Variants in SLC6A5 observed in about 807,000 individuals in gnomAD.
The protein encoded by SLC6A5 is sodium- and chloride-dependent glycine transporter 2.
In SLC6A5, 58 loss-of-function variants were observed where a neutral mutation model predicts 90.5. The ratio of observed to expected loss-of-function variants is 0.64; its 90% CI spans 0.52 to 0.80. The LOEUF is 0.80. SLC6A5 is among the 30% of genes least tolerant of loss of function. The pLI is 0.00. For missense variants in SLC6A5, 1,015 were observed against 1,017.6 expected, an observed-to-expected ratio of 1.00 and a Z score of 0.03; for synonymous variants, 427 against 401.4, an observed-to-expected ratio of 1.06 and a Z score of -0.76.
Position 20,617,853 on chromosome 11 carries a change from C to T in SLC6A5, c.1229C>T (p.Ser410Leu), listed in dbSNP as rs778861669. 7.8e-5 allele frequency: 126 copies of T among 1,613,646 alleles called. 1 individual carries two copies. The highest frequency in any genetic ancestry group is 1.1e-5 in the South Asian group (1 of 91,068). The change falls in exon 7 of 16, where the codon TCA (serine) becomes TTA (leucine). Residue 410 changes from serine to leucine, a missense_variant. Physicochemically the swap from Ser to Leu is moderately radical, Grantham distance 145 (BLOSUM62 -2). Around this residue, in one of 3 missense-constraint regions of SLC6A5, gnomAD observed 442 missense variants for 494.3 expected, o/e 0.89. Transcript: ENST00000525748. ...CTGGCTTGGGTCATTGTGTATGCAT[C>T]ATTGGCTAAAGGAATCAAGACTTCA... is the stretch of plus-strand genomic sequence containing the variant. ...LFLAWVIVYA[S>L]LAKGIKTSGK...
At chr11:20,631,041 T>A (rs1441529483) in intron 10 of SLC6A5, among the ~76,000 whole-genome samples, 1 of 152,232 alleles carries the variant, frequency 6.6e-6, no homozygotes, top group South Asian at 2.1e-4. Flanking sequence ...AAGCCCTCTT[T>A]CCTTCTCCTT....
At chr11:20,639,808 G>A (rs1189818527) in intron 13 of SLC6A5, among the ~76,000 whole-genome samples, 1 of 152,174 alleles carries the variant, frequency 6.6e-6, no homozygotes, top group Non-Finnish European at 1.5e-5. Context: ...AGTAGAAGGG[G>A]AATTTGTCTC....
At chr11:20,627,513 A>G (rs1472032325) in intron 8 of SLC6A5, among the ~76,000 whole-genome samples, 2 of 152,228 alleles carry the variant, frequency 1.3e-5, no homozygotes, top group South Asian at 2.1e-4. Flanking sequence ...GTGACACTAT[A>G]AAGTCTGCAG....
intron 3 of SLC6A5, among the ~76,000 whole-genome samples, chr11:20,605,942 C>G (rs1852571885): frequency 6.6e-6 from 1 of 152,206 alleles, no homozygotes; most frequent in South Asian, 2.1e-4. Context: ...TGGAGAGCCC[C>G]GGGCAGGAAA....
At position 20,607,406 on chromosome 11, in the gene SLC6A5, C is replaced by T. The variant is rs184376330; in HGVS notation, c.812-73C>T. The T allele has an allele frequency of 4.3e-4, 672 of 1,558,428 alleles. 4 individuals carry two copies. The African/African-American group carries it at 7.7e-3, about 18-fold the overall frequency. The stretch of plus-strand genomic sequence containing the variant: ...ACAAGAGAGCCTAGACCTAGGTCCC[C>T]ACCCTATGCCCAACTCTAAGAATTC... On this transcript the variant is annotated intron_variant, in intron 4 of 15. Transcript: ENST00000525748.
At position 20,622,815 on chromosome 11, in the gene SLC6A5, A is replaced by G. The variant is rs1052309180; in HGVS notation, c.1261-3893A>G. 1.2e-4 allele frequency among the ~76,000 whole-genome samples: 18 copies of G among 152,124 alleles called. 1 individual carries two copies. Among genetic ancestry groups the G allele is most frequent in the Admixed American group, 1.1e-3 (17 of 15,278 alleles). On this transcript the variant is annotated intron_variant, in intron 7 of 15. Coordinates refer to ENST00000525748, the MANE Select transcript of SLC6A5 (RefSeq NM_004211.5). ...TCCATCCTCATTTCCCACCAGCCCC[A>G]GGTGGTCAGAGGATGGAAAGGATAC... is the stretch of plus-strand genomic sequence containing the variant.
chr11:20,618,090 A>C (rs1343387465), intron 7 of SLC6A5, among the ~76,000 whole-genome samples: 1 of 149,690 alleles, frequency 6.7e-6, no homozygotes, highest in Admixed American at 6.7e-5. Flanking sequence ...TTAAGGGTTA[A>C]ATGAGACACA....
Position 20,604,377 on chromosome 11 carries a change from T to G in SLC6A5, c.632T>G (p.Leu211Arg). 6.2e-7 allele frequency: 1 copy of G among 1,613,984 alleles called. No individual in the cohort carries two copies. The highest frequency in any genetic ancestry group is 8.5e-7 in the Non-Finnish European group (1 of 1,179,936). Reference protein sequence around the residue: ...ILSMVGYAVGLGNVWRFPYLA... With the variant: ...ILSMVGYAVGRGNVWRFPYLA... The stretch of plus-strand genomic sequence containing the variant: ...TCCATGGTGGGGTACGCAGTGGGGC[T>G]GGGCAATGTCTGGAGGTTTCCCTAC... Residue 211 changes from leucine (L) to arginine (R), a missense_variant, in exon 3 of 16, where the codon CTG becomes CGG. Physicochemically the swap from Leu to Arg is moderately radical, Grantham distance 102. Around this residue, in one of 3 missense-constraint regions of SLC6A5, gnomAD observed 567 missense variants for 507.3 expected, o/e 1.12. Coordinates refer to ENST00000525748, the MANE Select transcript of SLC6A5 (RefSeq NM_004211.5).
intron 7 of SLC6A5, among the ~76,000 whole-genome samples, chr11:20,620,379 A>G (rs145357044): frequency 1.4e-3 from 219 of 152,346 alleles, no homozygotes; most frequent in African/African-American, 5.1e-3. Context: ...CCATTTCCTC[A>G]TCTGTAAATA....
chr11:20,625,833 G>A (rs184986496), intron 7 of SLC6A5, among the ~76,000 whole-genome samples: 10 of 152,274 alleles, frequency 6.6e-5, no homozygotes, highest in Middle Eastern at 6.8e-3. Context: ...CTCCATGAAC[G>A]TCTTAGTAGA....
At chr11:20,654,608 A>T (rs1404061665) in intron 15 of SLC6A5, 105 bp from the exon 16 acceptor site, 1 of 1,109,928 alleles carries the variant, frequency 9.0e-7, no homozygotes, top group Non-Finnish European at 1.4e-6. Context: ...TCAAGCAAGG[A>T]CTCTGGTCAA....
At chr11:20,645,740 A>G (rs1184082084) in intron 13 of SLC6A5, among the ~76,000 whole-genome samples, 5 of 146,940 alleles carry the variant, frequency 3.4e-5, no homozygotes, top group African/African-American at 1.3e-4. Context: ...CTTGTTTCAC[A>G]CTATTCTCCT....
chr11:20,644,267 C>T (rs1853367680), intron 13 of SLC6A5, among the ~76,000 whole-genome samples: 1 of 152,180 alleles, frequency 6.6e-6, no homozygotes, highest in Non-Finnish European at 1.5e-5. Flanking sequence ...TGGTAACTAC[C>T]ATTCTGCTGT....
At chr11:20,625,604 A>G (rs1304618949) in intron 7 of SLC6A5, among the ~76,000 whole-genome samples, 2 of 152,180 alleles carry the variant, frequency 1.3e-5, no homozygotes, top group Non-Finnish European at 2.9e-5. Flanking sequence ...CTTTTCCAGC[A>G]TCCAGCAATA....
In SLC6A5 at chr11:20,657,399, C is replaced by A. The variant is rs1052734237; in HGVS notation, c.*2531C>A. On this transcript the variant is annotated 3_prime_UTR_variant, in exon 16 of 16. Transcript: ENST00000525748. ...CTGCTCCCTGAGCAGCTGTTTCCCC[C>A]CCACCCCACTTCACTATAATTTCCA... The A allele has an allele frequency of 2.6e-5, 4 of 152,082 alleles. No individual in the cohort carries two copies. Among genetic ancestry groups the A allele is most frequent in the South Asian group, 2.1e-4 (1 of 4,826 alleles). The allele number at this position is 152,082 out of a possible 1,614,324, so 9.4% of individuals were successfully genotyped here. A position where few individuals can be genotyped will look rare whatever the true frequency, so the allele number is the denominator to read the frequency against.
intron 7 of SLC6A5, among the ~76,000 whole-genome samples, chr11:20,624,154 T>C (rs113104137): frequency 6.7e-6 from 1 of 149,170 alleles, no homozygotes; most frequent in African/African-American, 2.4e-5. Flanking sequence ...ATATATATTA[T>C]ATATATATAT....
chr11:20,601,027 A>G, intron 1 of SLC6A5, 102 bp from the exon 2 acceptor site: 1 of 1,175,468 alleles, frequency 8.5e-7, no homozygotes, highest in Non-Finnish European at 1.2e-6. Flanking sequence ...TTCCCCAGAT[A>G]TTGTGTCTGG....
intron 7 of SLC6A5, among the ~76,000 whole-genome samples, chr11:20,623,982 C>G (rs766275727): frequency 8.6e-5 from 13 of 151,992 alleles, no homozygotes; most frequent in South Asian, 6.2e-4. Context: ...TTGGTTGACT[C>G]TCTCCCCAGC....
chr11:20,607,130 CTCT>C lies in SLC6A5; in HGVS notation c.804_806del (p.Leu269del). The C allele has an allele frequency of 6.2e-7, 1 of 1,613,700 alleles. No individual in the cohort carries two copies. Among genetic ancestry groups the C allele is most frequent in the Non-Finnish European group, 8.5e-7 (1 of 1,179,862 alleles). On this transcript the variant is annotated inframe_deletion, in exon 4 of 16. Coordinates refer to ENST00000525748, the MANE Select transcript of SLC6A5 (RefSeq NM_004211.5). ...GTGTCTGTGTGGAAGGCCATCCCAGCTCTACAAGGTGAGTCCAGCCTGCCGCTC... is the reference window on the plus strand; with the variant it reads ...GTGTCTGTGTGGAAGGCCATCCCAGCACAAGGTGAGTCCAGCCTGCCGCTC...
Sources: gnomAD v4.1 joint callset for allele counts (sites outside exome capture counted in the v4.1 genomes callset) on GRCh38, gnomAD v4.1.1 for gene constraint, gnomAD v4.1.1 regional missense constraint, MANE v1.5 for transcripts, NCBI Gene and HGNC (gene_info 2026-07-23, HGNC 2026-07-21) for gene names.